STXBP5L: variants seen among roughly 807,000 people sequenced by gnomAD.
STXBP5L encodes syntaxin-binding protein 5-like.
STXBP5L carries 65 observed loss-of-function variants against 144.5 expected under a neutral mutation model. The observed-to-expected ratio is 0.45, with a 90% CI of 0.37 to 0.55. The LOEUF (loss-of-function observed/expected upper bound fraction) is 0.55. Ranked by LOEUF, STXBP5L falls within the 20% of genes least tolerant of loss-of-function variation. The pLI, the probability that STXBP5L is intolerant of heterozygous loss-of-function variation, is 0.00. For synonymous variants in STXBP5L, 505 were observed against 469.6 expected (o/e 1.08, Z -0.97); for missense variants, 1,298 against 1,405.5 (o/e 0.92, Z 1.22).
intron 6 of STXBP5L, among the ~76,000 whole-genome samples, chr3:121,117,153 AT>A (rs1385151085): frequency 6.6e-6 from 1 of 151,902 alleles, no homozygotes; most frequent in Non-Finnish European, 1.5e-5. Flanking sequence ...AGTTTTTAAA[AT>A]GTATATTATA....
At chr3:121,194,954 T>A (rs1250054407) in intron 9 of STXBP5L, among the ~76,000 whole-genome samples, 3 of 141,654 alleles carry the variant, frequency 2.1e-5, no homozygotes, top group African/African-American at 7.9e-5. Flanking sequence ...TCTAGCTCTG[T>A]CACCAGGCTG....
chr3:121,332,554 CAAACAAAAATA>C (rs1300552981), intron 20 of STXBP5L, among the ~76,000 whole-genome samples: 7 of 151,580 alleles, frequency 4.6e-5, no homozygotes, highest in Admixed American at 6.6e-5. Flanking sequence ...TTAATTCAAT[CAAACAAAAATA>C]AAACAAAAAT....
At chr3:121,332,423 AAC>A (rs566658193) in intron 20 of STXBP5L, among the ~76,000 whole-genome samples, 20 of 151,262 alleles carry the variant, frequency 1.3e-4, no homozygotes, top group Middle Eastern at 6.8e-3. Context: ...AAAAAAAAAA[AAC>A]CAGAACTTCT....
chr3:121,029,722 A>G (rs550481255), intron 3 of STXBP5L, among the ~76,000 whole-genome samples: 98 of 152,330 alleles, frequency 6.4e-4, no homozygotes, highest in Non-Finnish European at 1.3e-3. Flanking sequence ...AGCAAAAGAA[A>G]CTATCATCTG....
chr3:121,057,598 A>G (rs1200969810), intron 5 of STXBP5L, among the ~76,000 whole-genome samples: 1 of 151,940 alleles, frequency 6.6e-6, no homozygotes, highest in Non-Finnish European at 1.5e-5. Context: ...TTGCTTTTGG[A>G]TTCCTTTGCT....
At chr3:121,104,663 A>G (rs2043602192) in intron 5 of STXBP5L, among the ~76,000 whole-genome samples, 2 of 152,238 alleles carry the variant, frequency 1.3e-5, no homozygotes, top group African/African-American at 4.8e-5. Context: ...ACCCAATTCA[A>G]CAAGTGGTGC....
chr3:121,146,522 TG>T (rs2045716315), intron 7 of STXBP5L, among the ~76,000 whole-genome samples: 1 of 152,072 alleles, frequency 6.6e-6, no homozygotes, highest in African/African-American at 2.4e-5. Flanking sequence ...TTATATTAAA[TG>T]TAAACTGACT....
intron 10 of STXBP5L, 87 bp downstream of exon 10, chr3:121,206,088 T>C (rs2048325593): frequency 2.6e-5 from 19 of 740,898 alleles, no homozygotes; most frequent in Non-Finnish European, 3.9e-5. Flanking sequence ...TTGTTTAAAG[T>C]TTTACAAAAT....
chr3:121,178,315 A>G (rs866004078), intron 9 of STXBP5L, among the ~76,000 whole-genome samples: 5 of 152,160 alleles, frequency 3.3e-5, no homozygotes, highest in Non-Finnish European at 7.4e-5. Context: ...AAAAAACTAC[A>G]TTTTCTAGTC....
intron 3 of STXBP5L, among the ~76,000 whole-genome samples, chr3:120,998,737 G>A (rs1943546465): frequency 6.6e-6 from 1 of 152,144 alleles, no homozygotes; most frequent in Non-Finnish European, 1.5e-5. Flanking sequence ...TCCAAGCTGA[G>A]AGTTAAATCA....
At chr3:121,339,410 A>G (rs773113759) in intron 20 of STXBP5L, among the ~76,000 whole-genome samples, 1 of 152,170 alleles carries the variant, frequency 6.6e-6, no homozygotes, top group Admixed American at 6.5e-5. Context: ...GAAGGAACAT[A>G]TCTCAAAATA....
At chr3:121,116,538 C>T (rs1007778742) in intron 6 of STXBP5L, among the ~76,000 whole-genome samples, 7 of 151,880 alleles carry the variant, frequency 4.6e-5, no homozygotes, top group Admixed American at 2.0e-4. Flanking sequence ...CTGTGCTTTC[C>T]AAAGTAAATA....
intron 19 of STXBP5L, among the ~76,000 whole-genome samples, chr3:121,297,758 C>G (rs1055837635): frequency 2.0e-5 from 3 of 151,954 alleles, no homozygotes; most frequent in Non-Finnish European, 4.4e-5. Flanking sequence ...TGCTCCCAAC[C>G]GCCAAAAGAA....
chr3:121,052,135 C>A (rs1017581749), intron 5 of STXBP5L, among the ~76,000 whole-genome samples: 3 of 152,116 alleles, frequency 2.0e-5, no homozygotes, highest in Non-Finnish European at 2.9e-5. Flanking sequence ...GATTCACAAC[C>A]GAATTCTACC....
intron 6 of STXBP5L, among the ~76,000 whole-genome samples, chr3:121,117,193 G>A (rs770778561): frequency 6.7e-6 from 1 of 150,012 alleles, no homozygotes; most frequent in Non-Finnish European, 1.5e-5. Context: ...AGAAATTAAA[G>A]AGCTAAAATA....
chr3:121,066,065 C>T (rs953226515), intron 5 of STXBP5L, among the ~76,000 whole-genome samples: 1 of 152,090 alleles, frequency 6.6e-6, no homozygotes, highest in Admixed American at 6.6e-5. Context: ...AAGTGACAGC[C>T]CATGACCTTT....
At chr3:121,136,791 C>T (rs775359973) in intron 7 of STXBP5L, among the ~76,000 whole-genome samples, 42 of 152,260 alleles carry the variant, frequency 2.8e-4, no homozygotes, top group Middle Eastern at 3.4e-3. Context: ...ATGTTCATTG[C>T]GGTACTATTC....
intron 3 of STXBP5L, among the ~76,000 whole-genome samples, chr3:120,992,000 AT>A (rs201480126): frequency 1.3e-5 from 2 of 150,650 alleles, no homozygotes; most frequent in Admixed American, 1.3e-4. Flanking sequence ...TTTTAAAAAA[AT>A]TAATATTTAT....
intron 12 of STXBP5L, among the ~76,000 whole-genome samples, chr3:121,235,842 TACAC>T (rs371102820): frequency 1.9e-4 from 28 of 144,306 alleles, no homozygotes; most frequent in South Asian, 1.4e-3. Context: ...CACACACACA[TACAC>T]ACACACACAC....
Sources: gnomAD v4.1 joint callset for allele counts (sites outside exome capture counted in the v4.1 genomes callset) on GRCh38, gnomAD v4.1.1 for gene constraint, MANE v1.5 for transcripts, NCBI Gene and HGNC (gene_info 2026-07-23, HGNC 2026-07-21) for gene names.